The following ZBTB20 variants were observed in gnomAD, a reference collection of about 807,000 sequenced individuals.
ZBTB20 encodes zinc finger and BTB domain-containing protein 20.
In ZBTB20, 9 loss-of-function variants were observed where a neutral mutation model predicts 56.9. The observed-to-expected ratio is 0.16, with a 90% CI of 0.10 to 0.28. ZBTB20 has a LOEUF of 0.28. ZBTB20 is among the 10% of genes least tolerant of loss of function. ZBTB20 has a pLI of 1.00. For missense variants in ZBTB20, 655 were observed against 1,003.0 expected, an observed-to-expected ratio of 0.65 and a Z score of 4.69; for synonymous variants, 417 against 420.7, an observed-to-expected ratio of 0.99 and a Z score of 0.11.
In ZBTB20 at chr3:114,315,727, G is replaced by A. The variant is rs200554596; in HGVS notation, c.*23278C>T. ...GAATCTTATCACAACACTGCGGCGG[G>A]AAAATCAGGAAATGGGTTCACCTTT... On this transcript the variant is annotated 3_prime_UTR_variant, in exon 12 of 12. Coordinates refer to ENST00000675478, the MANE Select transcript of ZBTB20 (RefSeq NM_001348800.3). The A allele has an allele frequency of 7.9e-5, 12 of 151,916 alleles. No individual in the cohort carries two copies. The East Asian group carries it at 1.9e-3, about 25-fold the overall frequency. 9.4% of individuals were successfully genotyped at this position (151,916 alleles called of 1,614,324 possible).
At chr3:114,455,055 G>A (rs1374946344) in intron 7 of ZBTB20, among the ~76,000 whole-genome samples, 1 of 144,188 alleles carries the variant, frequency 6.9e-6, no homozygotes, top group Non-Finnish European at 1.5e-5. Context: ...AGAGAGAGAG[G>A]GGGGGGAGAG....
chr3:114,866,723 T>A (rs1409045245), intron 4 of ZBTB20, among the ~76,000 whole-genome samples: 1 of 152,170 alleles, frequency 6.6e-6, no homozygotes, highest in Non-Finnish European at 1.5e-5. Flanking sequence ...TCCTTTTTTT[T>A]TCCTGTCTTC....
intron 6 of ZBTB20, among the ~76,000 whole-genome samples, chr3:114,663,907 C>A (rs1210843337): frequency 6.6e-6 from 1 of 151,542 alleles, no homozygotes; most frequent in Non-Finnish European, 1.5e-5. Context: ...GAGTGACCTA[C>A]AAAGAGACTT....
At chr3:115,050,623 AC>A (rs2081509990) in intron 2 of ZBTB20, among the ~76,000 whole-genome samples, 1 of 152,040 alleles carries the variant, frequency 6.6e-6, no homozygotes. Flanking sequence ...TGATTTATTA[AC>A]TTTTATTTCA....
intron 4 of ZBTB20, among the ~76,000 whole-genome samples, chr3:114,873,641 A>G (rs1426647983): frequency 6.6e-6 from 1 of 152,200 alleles, no homozygotes; most frequent in African/African-American, 2.4e-5. Flanking sequence ...AGGTTCTGAA[A>G]ATAAAGGATA....
chr3:115,001,785 A>G (rs930550515), intron 2 of ZBTB20, among the ~76,000 whole-genome samples: 9 of 151,524 alleles, frequency 5.9e-5, no homozygotes, highest in African/African-American at 1.7e-4. Flanking sequence ...ATGTTCATGG[A>G]TAGTAAGACT....
chr3:114,480,059 C>T (rs2041355433), intron 7 of ZBTB20, among the ~76,000 whole-genome samples: 1 of 152,100 alleles, frequency 6.6e-6, no homozygotes. Flanking sequence ...GTTGAAGATG[C>T]CCTTGAAATT....
intron 4 of ZBTB20, among the ~76,000 whole-genome samples, chr3:114,838,550 G>T (rs559256527): frequency 2.0e-5 from 3 of 152,102 alleles, no homozygotes; most frequent in Admixed American, 1.3e-4. Flanking sequence ...GTGTGACTGG[G>T]GGGGGAAAGT....
chr3:115,030,537 AT>A (rs1476887409), intron 2 of ZBTB20, among the ~76,000 whole-genome samples: 1 of 151,236 alleles, frequency 6.6e-6, no homozygotes, highest in African/African-American at 2.4e-5. Flanking sequence ...GGTTTGAATT[AT>A]TGCTAAAATG....
chr3:114,389,269 A>T (rs2108615652), intron 7 of ZBTB20, among the ~76,000 whole-genome samples, 164 bp from the exon 8 acceptor site: 1 of 152,264 alleles, frequency 6.6e-6, no homozygotes, highest in Non-Finnish European at 1.5e-5. Context: ...GGGAGAATGG[A>T]GAGGATGTTG....
chr3:114,697,238 G>A (rs1004763802), intron 5 of ZBTB20, among the ~76,000 whole-genome samples: 3 of 151,792 alleles, frequency 2.0e-5, no homozygotes, highest in Admixed American at 1.3e-4. Flanking sequence ...ACACACACCC[G>A]TCTTCCTTAT....
chr3:114,806,279 A>T (rs571591726), intron 4 of ZBTB20, among the ~76,000 whole-genome samples: 2 of 151,964 alleles, frequency 1.3e-5, no homozygotes, highest in East Asian at 3.9e-4. Flanking sequence ...TATTACAGCC[A>T]TTCTAGCGGG....
chr3:114,701,628 A>G (rs546328850), intron 5 of ZBTB20, among the ~76,000 whole-genome samples: 1 of 152,356 alleles, frequency 6.6e-6, no homozygotes, highest in South Asian at 2.1e-4. Context: ...TAACCTGCGT[A>G]AGGAAACAGA....
At chr3:115,026,610 C>T (rs1204669628) in intron 2 of ZBTB20, among the ~76,000 whole-genome samples, 1 of 150,682 alleles carries the variant, frequency 6.6e-6, no homozygotes, top group Non-Finnish European at 1.5e-5. Flanking sequence ...CTTGAAGTCT[C>T]TGGGACTTTT....
intron 6 of ZBTB20, among the ~76,000 whole-genome samples, chr3:114,559,545 C>T (rs999835920): frequency 2.0e-5 from 3 of 152,228 alleles, no homozygotes; most frequent in South Asian, 2.1e-4. Flanking sequence ...ATTGCACCCT[C>T]TTTTGGGAAG....
intron 2 of ZBTB20, among the ~76,000 whole-genome samples, chr3:115,059,349 T>G (rs947053187): frequency 6.6e-6 from 1 of 152,224 alleles, no homozygotes; most frequent in Non-Finnish European, 1.5e-5. Flanking sequence ...GTTTGGTCCT[T>G]TTGAGTCTTA....
rs114796619 is a variant in ZBTB20 at position 114,821,814 on chromosome 3, C to T, written c.-416-20640G>A. ...ATGTCAGAAATAAAGCAAATGAAGGCGTTCCTACAGGTTCTGAGTTTCGGG... is the reference window on the plus strand; with the variant it reads ...ATGTCAGAAATAAAGCAAATGAAGGTGTTCCTACAGGTTCTGAGTTTCGGG... On this transcript the variant is annotated intron_variant, in intron 4 of 11. Transcript: ENST00000675478. Among the ~76,000 whole-genome samples, 546 of 152,060 alleles carry T rather than the reference C, an allele frequency of 3.6e-3. 6 individuals are homozygous for T. Among genetic ancestry groups the T allele is most frequent in the African/African-American group, 0.013 (533 of 41,492 alleles).
At chr3:114,761,611 G>T (rs2068446497) in intron 5 of ZBTB20, among the ~76,000 whole-genome samples, 1 of 152,142 alleles carries the variant, frequency 6.6e-6, no homozygotes, top group African/African-American at 2.4e-5. Context: ...GAGCTGGGTG[G>T]ATCACCTGAA....
intron 7 of ZBTB20, among the ~76,000 whole-genome samples, chr3:114,499,504 G>C (rs879467865): frequency 6.6e-6 from 1 of 152,244 alleles, no homozygotes; most frequent in Non-Finnish European, 1.5e-5. Flanking sequence ...TCACCAGAGA[G>C]TGAGAAGCAG....
Sources: gnomAD v4.1 joint callset for allele counts (sites outside exome capture counted in the v4.1 genomes callset) on GRCh38, gnomAD v4.1.1 for gene constraint, MANE v1.5 for transcripts, NCBI Gene and HGNC (gene_info 2026-07-23, HGNC 2026-07-21) for gene names.